GZMM: variants seen among roughly 807,000 people sequenced by gnomAD.
The protein encoded by GZMM is granzyme M.
Under a neutral mutation model 19.2 loss-of-function variants are expected in GZMM, and 23 were observed. That is an observed-to-expected ratio of 1.20 (90% CI 0.86 to 1.69). The LOEUF is 1.69. GZMM is among the 40% of genes most tolerant of loss of function. The probability of loss-of-function intolerance (pLI) is 0.00; values close to 1 mark genes in which losing one functional copy is unlikely to be tolerated. For missense variants in GZMM, 373 were observed against 352.2 expected (o/e 1.06, Z -0.47); for synonymous variants, 178 against 160.2 (o/e 1.11, Z -0.84).
chr19:548,195 T>C (rs1051225268), intron 2 of GZMM, among the ~76,000 whole-genome samples: 2 of 152,212 alleles, frequency 1.3e-5, no homozygotes, highest in Non-Finnish European at 2.9e-5. Context: ...TTGGCATGTG[T>C]CAACCCCTGT....
intron 1 of GZMM, among the ~76,000 whole-genome samples, chr19:546,792 C>T (rs1344987518): frequency 6.6e-6 from 1 of 151,784 alleles, no homozygotes; most frequent in Non-Finnish European, 1.5e-5. Flanking sequence ...GAGCCGAGAT[C>T]GTGCCATTGC....
chr19:545,480 T>A (rs1026770008), intron 1 of GZMM, among the ~76,000 whole-genome samples: 9 of 152,054 alleles, frequency 5.9e-5, no homozygotes, highest in Non-Finnish European at 1.0e-4. Flanking sequence ...CCCGAGTAGC[T>A]GGGATTACAG....
chr19:546,778 C>T (rs1334414232), intron 1 of GZMM, among the ~76,000 whole-genome samples: 8 of 151,892 alleles, frequency 5.3e-5, no homozygotes, highest in Non-Finnish European at 1.5e-5. Context: ...GCGGAGCTTG[C>T]AGTGAGCCGA....
chr19:549,378 G>T (rs545215097), intron 4 of GZMM, among the ~76,000 whole-genome samples, 193 bp downstream of exon 4: 2 of 152,190 alleles, frequency 1.3e-5, no homozygotes, highest in Non-Finnish European at 2.9e-5. Flanking sequence ...AGCAACCTGC[G>T]CAAGACCACA....
Position 549,801 on chromosome 19 carries a change from G to T in GZMM, c.*10G>T. On this transcript the variant is annotated 3_prime_UTR_variant, in exon 5 of 5. Transcript: ENST00000264553. The stretch of plus-strand genomic sequence containing the variant: ...CGGCCGATCGGCCTGATGCCCTGGG[G>T]TGATGGGGACCCCCTCGCTGTCTCC... 6.5e-7 allele frequency: 1 copy of T among 1,538,468 alleles called. No individual in the cohort carries two copies.
At chr19:545,340 C>T (rs1267325911) in intron 1 of GZMM, among the ~76,000 whole-genome samples, 3 of 152,098 alleles carry the variant, frequency 2.0e-5, no homozygotes, top group Non-Finnish European at 4.4e-5. Flanking sequence ...AGACAAAGGC[C>T]CAGGGTGCAG....
intron 1 of GZMM, among the ~76,000 whole-genome samples, chr19:545,646 C>CTTAGTTTCTG (rs1453961361): frequency 1.3e-5 from 2 of 148,336 alleles, no homozygotes; most frequent in East Asian, 2.0e-4. Flanking sequence ...CGCGCCCGGC[C>CTTAGTTTCTG]TATTTTTTTT....
At chr19:549,526 G>T in intron 4 of GZMM, 104 bp from the exon 5 acceptor site, 1 of 1,232,226 alleles carries the variant, frequency 8.1e-7, no homozygotes, top group Non-Finnish European at 1.1e-6. Context: ...GTGTCTCCTT[G>T]AGCCTGGGGA....
intron 2 of GZMM, among the ~76,000 whole-genome samples, chr19:548,145 G>C (rs978884113): frequency 2.6e-5 from 4 of 152,234 alleles, no homozygotes; most frequent in Non-Finnish European, 5.9e-5. Context: ...CCCATGGAAA[G>C]AGGGCTTGGC....
In GZMM at chr19:548,945, C is replaced by T. The variant is rs1173466754; in HGVS notation, c.372C>T (p.Ser124=). ...LLQLDGKVKP[S]RTIRPLALPS... ...AGCTGGACGGGAAAGTGAAGCCCAG[C>T]CGGACCATCCGGCCGTTGGCCCTGC... The change falls in exon 4 of 5, where the codon AGC becomes AGT. Residue 124 remains serine (S), a synonymous_variant. Transcript: ENST00000264553. 2 of 1,587,412 alleles carry T rather than the reference C, an allele frequency of 1.3e-6. No homozygotes were observed. Among genetic ancestry groups the T allele is most frequent in the East Asian group, 2.3e-5 (1 of 44,236 alleles).
At chr19:548,390 A>T in intron 2 of GZMM, 152 bp from the exon 3 acceptor site, 1 of 695,654 alleles carries the variant, frequency 1.4e-6, no homozygotes, top group Non-Finnish European at 2.4e-6. Flanking sequence ...GGTTGCAAAG[A>T]CACAGGGAAG....
At chr19:545,547 G>A (rs28554110) in intron 1 of GZMM, among the ~76,000 whole-genome samples, 9,984 of 151,858 alleles carry the variant, frequency 0.066, 394 homozygotes, top group Middle Eastern at 0.12. Flanking sequence ...GGGTTTCCCC[G>A]TGTTGGTCAG....
intron 2 of GZMM, 139 bp from the exon 3 acceptor site, chr19:548,403 C>A: frequency 1.3e-6 from 1 of 784,838 alleles, no homozygotes; most frequent in Non-Finnish European, 2.0e-6. Context: ...CAGGGAAGGA[C>A]TGGCCAAGCC....
intron 2 of GZMM, among the ~76,000 whole-genome samples, 200 bp from the exon 3 acceptor site, chr19:548,342 G>A (rs1980364873): frequency 6.6e-6 from 1 of 152,142 alleles, no homozygotes; most frequent in Non-Finnish European, 1.5e-5. Context: ...GAAGTCTGGG[G>A]CAGGGGTGAG....
Position 544,110 on chromosome 19 carries a change from G to C in GZMM, c.39G>C (p.Leu13=). The C allele has an allele frequency of 6.5e-7, 1 of 1,544,816 alleles. No homozygotes were observed. Among genetic ancestry groups the C allele is most frequent in the East Asian group, 2.4e-5 (1 of 41,132 alleles). The change falls in exon 1 of 5, where the codon CTG becomes CTC. Residue 13 remains leucine (L), a synonymous_variant. Coordinates refer to ENST00000264553, the MANE Select transcript of GZMM (RefSeq NM_005317.4). Reference sequence around the variant, plus strand: ...TGTCTTCACTGCTGGTGCTGGCCCTGGGGGCCCTGTCAGTAGGTGAGTGGG... The same window carrying C: ...TGTCTTCACTGCTGGTGCTGGCCCTCGGGGCCCTGTCAGTAGGTGAGTGGG... ...ACVSSLLVLA[L]GALSVGSSFG... is the part of the protein sequence containing the mutation.
intron 3 of GZMM, 106 bp downstream of exon 3, chr19:548,783 CTG>C: frequency 3.7e-6 from 2 of 547,152 alleles, no homozygotes; most frequent in Non-Finnish European, 5.9e-6. Flanking sequence ...CCCCGCACTG[CTG>C]CCCCTCCCCC....
intron 4 of GZMM, 39 bp from the exon 5 acceptor site, chr19:549,591 C>T: frequency 1.3e-6 from 2 of 1,588,606 alleles, no homozygotes; most frequent in East Asian, 2.2e-5. Context: ...GTCCCCTCAG[C>T]AGGTGCAGAG....
At chr19:549,582 T>C (rs1262785743) in intron 4 of GZMM, 48 bp from the exon 5 acceptor site, 1 of 1,571,692 alleles carries the variant, frequency 6.4e-7, no homozygotes, top group African/African-American at 1.3e-5. Context: ...GCTCCCCTCG[T>C]CCCCTCAGCA....
chr19:545,433 C>T (rs576029436), intron 1 of GZMM, among the ~76,000 whole-genome samples: 90 of 151,974 alleles, frequency 5.9e-4, no homozygotes, highest in African/African-American at 1.7e-3. Flanking sequence ...CTGCAGCCTC[C>T]GCCTCCTGGT....
Sources: gnomAD v4.1 joint callset for allele counts (sites outside exome capture counted in the v4.1 genomes callset) on GRCh38, gnomAD v4.1.1 for gene constraint, MANE v1.5 for transcripts, NCBI Gene and HGNC (gene_info 2026-07-23, HGNC 2026-07-21) for gene names.